GLRA3: variants seen among roughly 807,000 people sequenced by gnomAD.
GLRA3 encodes glycine receptor alpha 3.
In GLRA3, 44 loss-of-function variants were observed where a neutral mutation model predicts 60.4. The observed-to-expected ratio is 0.73, with a 90% confidence interval of 0.57 to 0.94. The LOEUF is 0.94. Among genes scored for constraint, GLRA3 ranks in the 40% least tolerant of loss-of-function variants. The pLI is 0.00. For synonymous variants in GLRA3, 223 were observed against 192.9 expected (o/e 1.16, Z -1.29); for missense variants, 508 against 564.6 (o/e 0.90, Z 1.02).
intron 3 of GLRA3, among the ~76,000 whole-genome samples, chr4:174,762,273 C>T (rs1484267281): frequency 6.6e-6 from 1 of 152,046 alleles, no homozygotes; most frequent in East Asian, 1.9e-4. Flanking sequence ...TTCTTTCTTG[C>T]TTCTGTCATA....
At position 174,638,262 on chromosome 4, in the gene GLRA3, G is replaced by C. The variant is rs1374544980; in HGVS notation, c.*5524C>G. ...ATTGGGAGGAAAGCTGAATTGAAAC[G>C]CATCAAAGATTTATTTTAAATTCTT... On this transcript the variant is annotated 3_prime_UTR_variant, in exon 10 of 10. Transcript: ENST00000274093. 6.6e-6 allele frequency: 1 copy of C among 152,080 alleles called. No individual in the cohort carries two copies. The highest frequency in any genetic ancestry group is 1.5e-5 in the Non-Finnish European group (1 of 67,998). 9.4% of individuals were successfully genotyped at this position (152,080 alleles called of 1,614,324 possible).
Position 174,656,066 on chromosome 4 carries a change from T to C in GLRA3, c.1116+677A>G, listed in dbSNP as rs77180837. Among the ~76,000 whole-genome samples, 38 of 152,256 alleles carry C rather than the reference T, an allele frequency of 2.5e-4. No homozygotes were observed. In the East Asian group the frequency reaches 5.8e-3, roughly 23 times the overall value. On this transcript the variant is annotated intron_variant, in intron 9 of 9. Transcript: ENST00000274093. ...TAAATTCTTGGCTTCAGTAGATTTC[T>C]GTTTAATTATTGCATACTATATTAT...
intron 5 of GLRA3, among the ~76,000 whole-genome samples, chr4:174,690,433 C>T (rs1053225716): frequency 6.6e-6 from 1 of 152,062 alleles, no homozygotes; most frequent in Admixed American, 6.6e-5. Flanking sequence ...AAAATCAGAC[C>T]TATGTGTGGA....
rs1023923765 is a variant in GLRA3, at chr4:174,643,364, A to G, written c.*422T>C. On this transcript the variant is annotated 3_prime_UTR_variant, in exon 10 of 10. Coordinates refer to ENST00000274093, the MANE Select transcript of GLRA3 (RefSeq NM_006529.4). The stretch of plus-strand genomic sequence containing the variant: ...TCCCATTTTGTAACTATACTATAAG[A>G]AAATAGTTTTAAATCTCAAACTATT... The G allele has an allele frequency of 9.9e-6, 8 of 807,728 alleles. No individual in the cohort carries two copies. The highest frequency in any genetic ancestry group is 1.2e-5 in the Non-Finnish European group (8 of 668,678). The allele number at this position is 807,728 out of a possible 1,614,324, so 50.0% of individuals were successfully genotyped here.
At chr4:174,811,425 T>G (rs17300019) in intron 1 of GLRA3, among the ~76,000 whole-genome samples, 22,686 of 152,072 alleles carry the variant, frequency 0.15, 1,769 homozygotes, top group South Asian at 0.17. Flanking sequence ...TGATCTCTGT[T>G]AATTTGACTG....
At chr4:174,774,366 G>A (rs1268927414) in intron 2 of GLRA3, among the ~76,000 whole-genome samples, 1 of 150,628 alleles carries the variant, frequency 6.6e-6, no homozygotes, top group African/African-American at 2.4e-5. Context: ...GTGTGTGTAT[G>A]TGTGTGTGTG....
At chr4:174,813,123 A>T (rs895174397) in intron 1 of GLRA3, among the ~76,000 whole-genome samples, 13 of 152,154 alleles carry the variant, frequency 8.5e-5, no homozygotes, top group Non-Finnish European at 1.9e-4. Context: ...ATATAGAAGA[A>T]TTTTTTAAAA....
intron 1 of GLRA3, among the ~76,000 whole-genome samples, chr4:174,825,620 A>C (rs1476866178): frequency 6.6e-6 from 1 of 152,148 alleles, no homozygotes; most frequent in Non-Finnish European, 1.5e-5. Context: ...TGCATTTCAA[A>C]GAAAGCTGAA....
At chr4:174,795,318 T>C (rs573467218) in intron 1 of GLRA3, among the ~76,000 whole-genome samples, 1 of 152,142 alleles carries the variant, frequency 6.6e-6, no homozygotes, top group Middle Eastern at 3.4e-3. Context: ...TTATATATTT[T>C]ATAGTCAAAT....
chr4:174,649,584 G>A (rs530162313), intron 9 of GLRA3, among the ~76,000 whole-genome samples: 4 of 152,234 alleles, frequency 2.6e-5, no homozygotes, highest in Non-Finnish European at 5.9e-5. Flanking sequence ...AATGGCGCAG[G>A]GGTGGTAGTT....
intron 1 of GLRA3, among the ~76,000 whole-genome samples, chr4:174,818,759 T>C (rs1409660719): frequency 6.6e-6 from 1 of 152,196 alleles, no homozygotes; most frequent in Non-Finnish European, 1.5e-5. Flanking sequence ...AGGAGGCAAG[T>C]TAAGGACTCA....
intron 1 of GLRA3, among the ~76,000 whole-genome samples, chr4:174,799,424 A>G (rs945401997): frequency 3.9e-5 from 6 of 152,212 alleles, no homozygotes; most frequent in Non-Finnish European, 7.4e-5. Context: ...GGCAATCCCT[A>G]TATTTGGAGA....
chr4:174,796,949 G>A lies in GLRA3; in HGVS notation c.72-8006C>T, dbSNP rs114944808. Among the ~76,000 whole-genome samples the A allele has an allele frequency of 7.2e-3, 1,102 of 152,086 alleles. 10 individuals carry two copies. The highest frequency in any genetic ancestry group is 0.026 in the African/African-American group (1,068 of 41,458). Reference sequence around the variant, plus strand: ...TTCTTCTTATTACAGTAATATCTGAGCCTTGTACCATGTGAACATTAGCAG... The same window carrying A: ...TTCTTCTTATTACAGTAATATCTGAACCTTGTACCATGTGAACATTAGCAG... On this transcript the variant is annotated intron_variant, in intron 1 of 9. Transcript: ENST00000274093.
At chr4:174,699,796 G>A (rs1302745939) in intron 5 of GLRA3, among the ~76,000 whole-genome samples, 1 of 101,156 alleles carries the variant, frequency 9.9e-6, no homozygotes, top group Non-Finnish European at 2.1e-5. Context: ...AACATTATTT[G>A]TTAATTATTT....
chr4:174,711,616 T>C (rs148488068), intron 5 of GLRA3, among the ~76,000 whole-genome samples: 7,537 of 151,938 alleles, frequency 0.05, 217 homozygotes, highest in South Asian at 0.1. Flanking sequence ...ATTTTTGTAT[T>C]TTTAGTAGAG....
chr4:174,716,959 G>C (rs1366152392), intron 4 of GLRA3, among the ~76,000 whole-genome samples: 1 of 151,904 alleles, frequency 6.6e-6, no homozygotes, highest in Non-Finnish European at 1.5e-5. Flanking sequence ...CCAGCGCTTT[G>C]GGAGGCTAAG....
intron 4 of GLRA3, among the ~76,000 whole-genome samples, chr4:174,724,048 TTG>T (rs34150138): frequency 0.41 from 61,158 of 149,534 alleles, 12,727 homozygotes; most frequent in South Asian, 0.47. Context: ...ATATATATAT[TTG>T]TGTGTGTGTG....
chr4:174,795,716 G>C (rs111792380), intron 1 of GLRA3, among the ~76,000 whole-genome samples: 1 of 151,988 alleles, frequency 6.6e-6, no homozygotes, highest in African/African-American at 2.4e-5. Context: ...TAATTTGTTC[G>C]ATGCAAAGCA....
chr4:174,802,840 T>C (rs1388653003), intron 1 of GLRA3, among the ~76,000 whole-genome samples: 2 of 152,140 alleles, frequency 1.3e-5, no homozygotes, highest in Non-Finnish European at 2.9e-5. Context: ...ATTGAAATGC[T>C]GTCAGTATCT....
Sources: allele counts gnomAD v4.1 joint callset (sites outside exome capture counted in the v4.1 genomes callset), GRCh38; gene constraint gnomAD v4.1.1; transcripts MANE v1.5; gene names NCBI Gene and HGNC (gene_info 2026-07-23, HGNC 2026-07-21).